The following UNC5B variants were observed in gnomAD, a reference collection of about 807,000 sequenced individuals.
UNC5B encodes the protein netrin receptor UNC5B.
Under a neutral mutation model 103.7 loss-of-function variants are expected in UNC5B, and 56 were observed. The observed-to-expected ratio is 0.54, with a 90% CI of 0.44 to 0.67. The LOEUF (loss-of-function observed/expected upper bound fraction) is 0.67, where lower values mean the gene tolerates loss of function less well. UNC5B is among the 30% of genes least tolerant of loss of function. The pLI is 0.00. For synonymous variants in UNC5B, 577 were observed against 542.0 expected (o/e 1.06, Z -0.90); for missense variants, 1,194 against 1,284.5 (o/e 0.93, Z 1.08).
At position 71,293,408 on chromosome 10, in the gene UNC5B, G is replaced by C. The variant is rs374816685; in HGVS notation, c.1776G>C (p.Pro592=). 5.1e-5 allele frequency: 82 copies of C among 1,611,656 alleles called. No individual in the cohort carries two copies. The highest frequency in any genetic ancestry group is 8.5e-7 in the Non-Finnish European group (1 of 1,178,690). ...CCTACCCTGTGTCCTCCTCCAGCCC[G>C]CTTTCAGAAGGGACCCAGACAGTAT... The part of the protein sequence containing the change: ...LLINKAESTL[P]LSEGTQTVLS... Residue 592 remains proline, a synonymous_variant, in exon 12 of 17, where the codon CCG becomes CCC. Coordinates refer to ENST00000335350, the MANE Select transcript of UNC5B (RefSeq NM_170744.5).
In UNC5B at chr10:71,285,363, G is replaced by A. The variant is rs1438937457; in HGVS notation, c.486G>A (p.Lys162=). The change falls in exon 4 of 17, where the codon AAG becomes AAA. Residue 162 remains lysine (K), a synonymous_variant. Transcript: ENST00000335350. The part of the protein sequence containing the change: ...RKNFDQEPLG[K]EVPLDHEVLL... ...ACTTCGATCAGGAGCCTCTGGGCAA[G>A]GAGGTGCCCCTGGACCATGAGGTTC... The A allele has an allele frequency of 6.2e-7, 1 of 1,611,634 alleles. No individual in the cohort carries two copies. The highest frequency in any genetic ancestry group is 2.2e-5 in the East Asian group (1 of 44,802).
Position 71,300,091 on chromosome 10 carries a change from G to A in UNC5B, c.*814G>A, listed in dbSNP as rs1388733013. ...TGTACGCGTGTGCATTGAGGAGAGAGAGACTGAACAGAGAGTACTTTGCTG... is the reference window on the plus strand; with the variant it reads ...TGTACGCGTGTGCATTGAGGAGAGAAAGACTGAACAGAGAGTACTTTGCTG... On this transcript the variant is annotated 3_prime_UTR_variant, in exon 17 of 17. Transcript: ENST00000335350. 6.6e-6 allele frequency: 1 copy of A among 152,136 alleles called. No individual in the cohort carries two copies. Among genetic ancestry groups the A allele is most frequent in the African/African-American group, 2.4e-5 (1 of 41,366 alleles). The allele number at this position is 152,136 out of a possible 1,614,324, so 9.4% of individuals were successfully genotyped here. A position where few individuals can be genotyped will look rare whatever the true frequency, so the allele number is the denominator to read the frequency against.
intron 1 of UNC5B, among the ~76,000 whole-genome samples, chr10:71,243,547 C>T (rs887545984): frequency 2.0e-5 from 3 of 152,214 alleles, no homozygotes; most frequent in Non-Finnish European, 2.9e-5. Context: ...GATGGCACAG[C>T]TCTGAAGGCT....
chr10:71,295,790 C>G (rs780938748), intron 13 of UNC5B, 21 bp from the exon 14 acceptor site: 5 of 1,608,200 alleles, frequency 3.1e-6, no homozygotes, highest in Non-Finnish European at 4.2e-6. Context: ...GGTTCCCCTT[C>G]CCCATGCCCC....
chr10:71,290,790 C>G (rs564733466), intron 8 of UNC5B, 125 bp from the exon 9 acceptor site: 49 of 1,206,338 alleles, frequency 4.1e-5, no homozygotes, highest in Non-Finnish European at 5.6e-5. Context: ...AGGCAGGGCT[C>G]AGACTGGAAC....
intron 1 of UNC5B, among the ~76,000 whole-genome samples, chr10:71,266,905 C>T (rs761522263): frequency 6.6e-6 from 1 of 152,178 alleles, no homozygotes; most frequent in Non-Finnish European, 1.5e-5. Context: ...CACTGTCTCA[C>T]TCCATCCTGC....
At chr10:71,284,520 G>A (rs1205286014) in intron 2 of UNC5B, among the ~76,000 whole-genome samples, 200 bp from the exon 3 acceptor site, 1 of 152,204 alleles carries the variant, frequency 6.6e-6, no homozygotes, top group Non-Finnish European at 1.5e-5. Context: ...GTGGGGCAGA[G>A]GGCTTGTGTT....
intron 1 of UNC5B, among the ~76,000 whole-genome samples, chr10:71,252,541 A>G (rs1844197489): frequency 6.6e-6 from 1 of 152,208 alleles, no homozygotes; most frequent in Non-Finnish European, 1.5e-5. Flanking sequence ...GATTGCTAAT[A>G]ATGACAACCA....
chr10:71,247,855 C>T (rs1176360616), intron 1 of UNC5B, among the ~76,000 whole-genome samples: 2 of 152,126 alleles, frequency 1.3e-5, no homozygotes, highest in African/African-American at 2.4e-5. Context: ...GTAAGGCTCC[C>T]TAGTGATTTG....
chr10:71,300,187 A>C lies in UNC5B; in HGVS notation c.*910A>C, dbSNP rs1264972574. ...CCCAGTTGTGCAGGGAGTAGGTCAGACAGGGTTTTCACTGTCTAGATTTAG... is the reference window on the plus strand; with the variant it reads ...CCCAGTTGTGCAGGGAGTAGGTCAGCCAGGGTTTTCACTGTCTAGATTTAG... On this transcript the variant is annotated 3_prime_UTR_variant, in exon 17 of 17. Coordinates refer to ENST00000335350, the MANE Select transcript of UNC5B (RefSeq NM_170744.5). The C allele has an allele frequency of 1.3e-5, 2 of 152,224 alleles. No individual in the cohort carries two copies. The highest frequency in any genetic ancestry group is 2.9e-5 in the Non-Finnish European group (2 of 68,050). 9.4% of individuals were successfully genotyped at this position (152,224 alleles called of 1,614,324 possible).
Position 71,213,985 on chromosome 10 carries a change from A to C in UNC5B, c.79+921A>C, listed in dbSNP as rs1843284928. On this transcript the variant is annotated intron_variant, in intron 1 of 16. Coordinates refer to ENST00000335350, the MANE Select transcript of UNC5B (RefSeq NM_170744.5). The surrounding 1 kb of genome is among the most constrained non-coding windows in gnomAD (Gnocchi z 4.1). Reference sequence around the variant, plus strand: ...CGTTTCTCGCTCGTCCTGTAGCTGGACCCGGCGTCGCTGGCTGGGCTGCGT... The same window carrying C: ...CGTTTCTCGCTCGTCCTGTAGCTGGCCCCGGCGTCGCTGGCTGGGCTGCGT... Among the ~76,000 whole-genome samples the C allele has an allele frequency of 6.7e-6, 1 of 150,198 alleles. No individual in the cohort carries two copies. The highest frequency in any genetic ancestry group is 1.5e-5 in the Non-Finnish European group (1 of 67,444).
In UNC5B at chr10:71,263,617, G is replaced by A. The variant is rs141554878; in HGVS notation, c.80-16204G>A. ...AGGCCATTTGTCCAACACGGAGTGC[G>A]GCAGTGACAGCGGCTGGGAAAATGC... On this transcript the variant is annotated intron_variant, in intron 1 of 16. Transcript: ENST00000335350. 3.0e-3 allele frequency among the ~76,000 whole-genome samples: 456 copies of A among 152,304 alleles called. 3 individuals are homozygous for A. Among genetic ancestry groups the A allele is most frequent in the East Asian group, 3.5e-3 (18 of 5,190 alleles).
chr10:71,263,136 C>T (rs181884253), intron 1 of UNC5B, among the ~76,000 whole-genome samples: 23 of 152,278 alleles, frequency 1.5e-4, no homozygotes, highest in African/African-American at 4.6e-4. Flanking sequence ...GGGCATCCTA[C>T]GTTCTGAGGT....
At chr10:71,289,397 C>A (rs921043792) in intron 8 of UNC5B, among the ~76,000 whole-genome samples, 7 of 152,192 alleles carry the variant, frequency 4.6e-5, no homozygotes, top group African/African-American at 9.7e-5. Context: ...CCACTCCAGT[C>A]CCCCCTCATG....
intron 1 of UNC5B, among the ~76,000 whole-genome samples, chr10:71,263,995 T>C (rs992110348): frequency 1.3e-5 from 2 of 152,170 alleles, no homozygotes; most frequent in African/African-American, 4.8e-5. Flanking sequence ...TGGCAGGGAA[T>C]GGGGAATGTT....
chr10:71,280,115 T>C (rs1229840343), intron 2 of UNC5B, 70 bp downstream of exon 2: 3 of 1,511,916 alleles, frequency 2.0e-6, no homozygotes, highest in Non-Finnish European at 2.7e-6. Context: ...TAGCTCCATG[T>C]GAGACTTCAC....
intron 1 of UNC5B, among the ~76,000 whole-genome samples, chr10:71,215,188 T>G (rs1461247645): frequency 6.6e-6 from 1 of 152,224 alleles, no homozygotes; most frequent in African/African-American, 2.4e-5. Context: ...CTTCACAAGC[T>G]CCATTTCACT....
At chr10:71,238,708 G>A (rs1344549456) in intron 1 of UNC5B, among the ~76,000 whole-genome samples, 1 of 152,072 alleles carries the variant, frequency 6.6e-6, no homozygotes, top group African/African-American at 2.4e-5. Context: ...GTCTGCCTCA[G>A]GCCTCCCAAA....
chr10:71,254,546 G>C lies in UNC5B; in HGVS notation c.80-25275G>C, dbSNP rs550534088. ...CGGCTTACTGTCTCCAGGCCCCCTG[G>C]GTCCCCATCAATAAGCTGGCCTGAA... On this transcript the variant is annotated intron_variant, in intron 1 of 16. Coordinates refer to ENST00000335350, the MANE Select transcript of UNC5B (RefSeq NM_170744.5). Among the ~76,000 whole-genome samples, 118 of 152,316 alleles carry C rather than the reference G, an allele frequency of 7.7e-4. 1 individual carries two copies. Among genetic ancestry groups the C allele is most frequent in the African/African-American group, 2.6e-3 (110 of 41,564 alleles).
Sources: gnomAD v4.1 joint callset for allele counts (sites outside exome capture counted in the v4.1 genomes callset) on GRCh38, gnomAD v4.1.1 for gene constraint, Gnocchi (gnomAD v3.1) non-coding constraint, MANE v1.5 for transcripts, NCBI Gene and HGNC (gene_info 2026-07-23, HGNC 2026-07-21) for gene names.